The following TP63 variants were observed in gnomAD, a reference collection of about 807,000 sequenced individuals.
TP63 encodes the protein tumor protein p63.
TP63 carries 17 observed loss-of-function variants against 82.8 expected under a neutral mutation model. The ratio of observed to expected loss-of-function variants is 0.21; its 90% confidence interval spans 0.14 to 0.31. The LOEUF (loss-of-function observed/expected upper bound fraction) is 0.31. Ranked by LOEUF, TP63 falls within the 10% of genes least tolerant of loss-of-function variation. The pLI is 1.00. For missense variants in TP63, 648 were observed against 895.3 expected, an observed-to-expected ratio of 0.72 and a Z score of 3.52; for synonymous variants, 330 against 321.7, an observed-to-expected ratio of 1.03 and a Z score of -0.28.
intron 4 of TP63, among the ~76,000 whole-genome samples, chr3:189,810,032 C>T (rs1163701708): frequency 2.0e-5 from 3 of 152,104 alleles, no homozygotes; most frequent in African/African-American, 7.2e-5. Context: ...TATTTTAGTT[C>T]TTTCCTCTTG....
chr3:189,597,751 C>A, the TP63 span, among the ~76,000 whole-genome samples: 4 of 151,876 alleles, frequency 2.6e-5, no homozygotes, highest in Non-Finnish European at 5.9e-5. Context: ...ATGGTGAAAC[C>A]CCGTCTATAC....
At chr3:189,666,851 G>A (rs963852141) in intron 1 of TP63, among the ~76,000 whole-genome samples, 2 of 151,862 alleles carry the variant, frequency 1.3e-5, no homozygotes, top group Non-Finnish European at 2.9e-5. Context: ...GGGAAATTGT[G>A]TGTATGTATG....
intron 4 of TP63, among the ~76,000 whole-genome samples, chr3:189,825,080 G>A (rs1229989827): frequency 6.6e-6 from 1 of 152,180 alleles, no homozygotes; most frequent in Non-Finnish European, 1.5e-5. Flanking sequence ...GTGTGTTTGG[G>A]AGATGAATGT....
At chr3:189,709,386 A>C (rs1718430087) in intron 1 of TP63, among the ~76,000 whole-genome samples, 1 of 152,120 alleles carries the variant, frequency 6.6e-6, no homozygotes, top group African/African-American at 2.4e-5. Context: ...ATTTCTGTCT[A>C]ATCCCTTCAT....
chr3:189,856,739 A>G (rs942225662), intron 4 of TP63, among the ~76,000 whole-genome samples: 3 of 152,076 alleles, frequency 2.0e-5, no homozygotes, highest in African/African-American at 4.8e-5. Flanking sequence ...CATTAGAAAC[A>G]AAAAGAAATT....
intron 1 of TP63, among the ~76,000 whole-genome samples, chr3:189,731,706 T>C (rs1466269284): frequency 6.6e-6 from 1 of 152,104 alleles, no homozygotes; most frequent in Non-Finnish European, 1.5e-5. Context: ...TAATGCAGAG[T>C]GTAAGACAGT....
chr3:189,743,503 A>AACAC (rs10524434), intron 3 of TP63, among the ~76,000 whole-genome samples: 30,846 of 150,778 alleles, frequency 0.2, 3,152 homozygotes, highest in Admixed American at 0.29. Context: ...TACAAACACA[A>AACAC]ACACACACAC....
intron 4 of TP63, among the ~76,000 whole-genome samples, chr3:189,839,159 C>G (rs963622122): frequency 1.3e-5 from 2 of 151,440 alleles, no homozygotes; most frequent in Admixed American, 1.3e-4. Context: ...TTTTTAAATC[C>G]TATTATATTT....
the TP63 span, among the ~76,000 whole-genome samples, chr3:189,621,579 AC>A: frequency 8.3e-5 from 4 of 48,044 alleles, no homozygotes; most frequent in Non-Finnish European, 4.0e-4. Flanking sequence ...TGCAATATAT[AC>A]ATATACACAT....
the TP63 span, among the ~76,000 whole-genome samples, chr3:189,615,516 C>T: frequency 2.6e-5 from 4 of 152,192 alleles, no homozygotes; most frequent in African/African-American, 4.8e-5. Flanking sequence ...TGCTTTGGCA[C>T]ATACCACATT....
chr3:189,713,976 C>T (rs544411957), intron 1 of TP63, among the ~76,000 whole-genome samples: 6 of 152,246 alleles, frequency 3.9e-5, no homozygotes, highest in Admixed American at 2.6e-4. Context: ...TCTTCATTCT[C>T]TCCAAAGTAC....
chr3:189,610,307 G>A, the TP63 span, among the ~76,000 whole-genome samples: 4 of 151,612 alleles, frequency 2.6e-5, no homozygotes, highest in East Asian at 3.9e-4. Flanking sequence ...TTGCAAAAAT[G>A]TTCTCTGCTT....
At chr3:189,809,964 A>G (rs1488412642) in intron 4 of TP63, among the ~76,000 whole-genome samples, 1 of 152,172 alleles carries the variant, frequency 6.6e-6, no homozygotes, top group African/African-American at 2.4e-5. Flanking sequence ...ACTGGATTGT[A>G]TCCTTTCTTT....
At chr3:189,714,060 A>C (rs953469544) in intron 1 of TP63, among the ~76,000 whole-genome samples, 14 of 151,948 alleles carry the variant, frequency 9.2e-5, no homozygotes, top group Non-Finnish European at 1.8e-4. Flanking sequence ...GGATTTTCCA[A>C]CTCTTCATTT....
In TP63 at chr3:189,654,909, A is replaced by C. The variant is rs1713202825; in HGVS notation, c.62+23332A>C. 4.6e-5 allele frequency among the ~76,000 whole-genome samples: 7 copies of C among 152,274 alleles called. No individual in the cohort carries two copies. In the South Asian group the frequency reaches 1.5e-3, roughly 32 times the overall value. Reference sequence around the variant, plus strand: ...GAAGGGATTTTAATTAGGTTAGAGGAGAGAAGCCAAATTTTAGGTTTTGCA... The same window carrying C: ...GAAGGGATTTTAATTAGGTTAGAGGCGAGAAGCCAAATTTTAGGTTTTGCA... On this transcript the variant is annotated intron_variant, in intron 1 of 13. Coordinates refer to ENST00000264731, the MANE Select transcript of TP63 (RefSeq NM_003722.5).
the TP63 span, among the ~76,000 whole-genome samples, chr3:189,611,620 G>A: frequency 1.3e-5 from 2 of 152,132 alleles, no homozygotes; most frequent in East Asian, 1.9e-4. Flanking sequence ...AGCTATTTGG[G>A]CTCTTGTTTG....
At chr3:189,750,341 A>C (rs1218897643) in intron 3 of TP63, among the ~76,000 whole-genome samples, 1 of 152,102 alleles carries the variant, frequency 6.6e-6, no homozygotes, top group Non-Finnish European at 1.5e-5. Context: ...AGGGGTGATG[A>C]AAAGAGGTTG....
At chr3:189,683,766 G>T (rs1716177376) in intron 1 of TP63, among the ~76,000 whole-genome samples, 1 of 152,136 alleles carries the variant, frequency 6.6e-6, no homozygotes, top group African/African-American at 2.4e-5. Flanking sequence ...GCAGTAGCCT[G>T]CCAATCCTAC....
chr3:189,794,680 C>T (rs998967673), intron 3 of TP63, among the ~76,000 whole-genome samples: 1 of 151,902 alleles, frequency 6.6e-6, no homozygotes, highest in South Asian at 2.1e-4. Flanking sequence ...GAGGAGAGTA[C>T]ATTTATCATA....
Sources: allele counts gnomAD v4.1 joint callset (sites outside exome capture counted in the v4.1 genomes callset), GRCh38; gene constraint gnomAD v4.1.1; transcripts MANE v1.5; gene names NCBI Gene and HGNC (gene_info 2026-07-23, HGNC 2026-07-21).